The following CAB39 variants were observed in gnomAD, a reference collection of about 807,000 sequenced individuals.
CAB39 encodes the protein calcium-binding protein 39.
In CAB39, 8 loss-of-function variants were observed where a neutral mutation model predicts 40.0. The observed-to-expected ratio is 0.20, with a 90% CI of 0.12 to 0.36. The LOEUF (loss-of-function observed/expected upper bound fraction) is 0.36. Ranked by LOEUF, CAB39 falls within the 10% of genes least tolerant of loss-of-function variation. The pLI, the probability that CAB39 is intolerant of heterozygous loss-of-function variation, is 1.00. For synonymous variants in CAB39, 156 were observed against 141.6 expected (o/e 1.10, Z -0.72); for missense variants, 270 against 401.1 (o/e 0.67, Z 2.79).
intron 1 of CAB39, among the ~76,000 whole-genome samples, chr2:230,746,252 G>T (rs1172906682): frequency 1.3e-5 from 2 of 152,152 alleles, no homozygotes; most frequent in East Asian, 3.9e-4. Flanking sequence ...TGACTTTAAA[G>T]ATATACAGGA....
chr2:230,725,515 A>G, intron 1 of CAB39: 1 of 980,508 alleles, frequency 1.0e-6, no homozygotes, highest in African/African-American at 1.6e-5. Flanking sequence ...TTAATATCAA[A>G]TTTTGTCCTC....
At chr2:230,716,461 C>G (rs905464665) in intron 1 of CAB39, among the ~76,000 whole-genome samples, 2 of 152,118 alleles carry the variant, frequency 1.3e-5, no homozygotes, top group Non-Finnish European at 2.9e-5. Flanking sequence ...CTCCCCAACC[C>G]CCAAAAATAA....
intron 1 of CAB39, among the ~76,000 whole-genome samples, chr2:230,735,406 A>G (rs928557766): frequency 6.6e-6 from 1 of 151,740 alleles, no homozygotes; most frequent in Admixed American, 6.6e-5. Context: ...GCCTCAAGTG[A>G]TCCGTCCGCC....
chr2:230,793,942 G>T (rs913826417), intron 4 of CAB39, among the ~76,000 whole-genome samples: 2 of 152,124 alleles, frequency 1.3e-5, no homozygotes, highest in Non-Finnish European at 2.9e-5. Flanking sequence ...CCTGAAAACC[G>T]AACCATAGAA....
intron 2 of CAB39, among the ~76,000 whole-genome samples, chr2:230,773,981 C>G (rs2037288): frequency 2.6e-5 from 4 of 152,072 alleles, no homozygotes; most frequent in Admixed American, 2.6e-4. Flanking sequence ...GTTGACATAT[C>G]CTTACATCGA....
intron 2 of CAB39, among the ~76,000 whole-genome samples, chr2:230,767,908 T>A (rs1009800573): frequency 6.6e-6 from 1 of 152,190 alleles, no homozygotes; most frequent in African/African-American, 2.4e-5. Flanking sequence ...TTCAAGTCTT[T>A]GCTCAAGTGC....
chr2:230,807,407 T>TACCCCCCCA (rs1696216137), intron 5 of CAB39, among the ~76,000 whole-genome samples: 1 of 151,772 alleles, frequency 6.6e-6, no homozygotes, highest in Non-Finnish European at 1.5e-5. Flanking sequence ...ACTAGTGTTT[T>TACCCCCCCA]ACCCCCCCAA....
Position 230,757,815 on chromosome 2 carries a change from C to G in CAB39, c.-43-2144C>G, listed in dbSNP as rs547514029. ...AGAAGCAACTTGCATGCTTCCCCCCCACCCCCTGCCGCCCACTCCCCTGCC... is the reference window on the plus strand; with the variant it reads ...AGAAGCAACTTGCATGCTTCCCCCCGACCCCCTGCCGCCCACTCCCCTGCC... On this transcript the variant is annotated intron_variant, in intron 1 of 8. Transcript: ENST00000258418. Among the ~76,000 whole-genome samples the G allele has an allele frequency of 1.4e-4, 22 of 152,154 alleles. No individual in the cohort carries two copies. The South Asian group carries it at 2.1e-3, about 14-fold the overall frequency.
chr2:230,808,483 TTC>T (rs2124978293), intron 5 of CAB39, among the ~76,000 whole-genome samples: 1 of 152,320 alleles, frequency 6.6e-6, no homozygotes, highest in African/African-American at 2.4e-5. Context: ...AACATTCCCC[TTC>T]AGGTCCTCAT....
At chr2:230,776,302 A>G (rs961110581) in intron 2 of CAB39, among the ~76,000 whole-genome samples, 13 of 152,182 alleles carry the variant, frequency 8.5e-5, no homozygotes, top group African/African-American at 2.7e-4. Context: ...GAAGTTGCTG[A>G]AATGAGTACA....
At chr2:230,809,102 G>A (rs931206308) in intron 5 of CAB39, among the ~76,000 whole-genome samples, 14 of 152,344 alleles carry the variant, frequency 9.2e-5, no homozygotes, top group Non-Finnish European at 1.8e-4. Flanking sequence ...CGAACAGTAG[G>A]TAACCACGCA....
At chr2:230,774,808 C>G (rs1321092041) in intron 2 of CAB39, among the ~76,000 whole-genome samples, 1 of 151,906 alleles carries the variant, frequency 6.6e-6, no homozygotes, top group Non-Finnish European at 1.5e-5. Context: ...TATTAATAGA[C>G]TTTCCTTAGT....
rs1250595555 is a variant in CAB39 at position 230,726,267 on chromosome 2, A to G, written c.-44+13037A>G. On this transcript the variant is annotated intron_variant, in intron 1 of 8. Transcript: ENST00000258418. ...AACCTCTGCCTCCTGGATTCAAGCA[A>G]TTCTCGTGCCTTAGCCTCCTGAGTA... Among the ~76,000 whole-genome samples the G allele has an allele frequency of 2.0e-5, 3 of 151,918 alleles. No homozygotes were observed. In the East Asian group the frequency reaches 5.8e-4, roughly 29 times the overall value.
chr2:230,757,671 C>A (rs1364212247), intron 1 of CAB39, among the ~76,000 whole-genome samples: 1 of 152,158 alleles, frequency 6.6e-6, no homozygotes, highest in Admixed American at 6.6e-5. Flanking sequence ...CGTAACACTT[C>A]CTGCAAAATA....
At position 230,754,894 on chromosome 2, in the gene CAB39, G is replaced by C. The variant is rs535108830; in HGVS notation, c.-43-5065G>C. Among the ~76,000 whole-genome samples, 43 of 152,248 alleles carry C rather than the reference G, an allele frequency of 2.8e-4. 1 individual carries two copies. In the South Asian group the frequency reaches 3.5e-3, roughly 12 times the overall value. The stretch of plus-strand genomic sequence containing the variant: ...CATTGTATCATTCTTATGCCTTTGC[G>C]TCCTCAAAGCTTAGCTCCCACATGT... On this transcript the variant is annotated intron_variant, in intron 1 of 8. Transcript: ENST00000258418.
chr2:230,764,117 C>G (rs1016600688), intron 2 of CAB39, among the ~76,000 whole-genome samples: 4 of 151,046 alleles, frequency 2.6e-5, no homozygotes, highest in Non-Finnish European at 5.9e-5. Flanking sequence ...GTAAGACTGT[C>G]TCAAAAACAA....
At chr2:230,767,807 C>G (rs1019668665) in intron 2 of CAB39, among the ~76,000 whole-genome samples, 5 of 152,232 alleles carry the variant, frequency 3.3e-5, no homozygotes, top group African/African-American at 1.2e-4. Flanking sequence ...TCCAGTCATA[C>G]TCCTGCCTGT....
At chr2:230,730,237 T>G (rs898503126) in intron 1 of CAB39, among the ~76,000 whole-genome samples, 2 of 152,116 alleles carry the variant, frequency 1.3e-5, no homozygotes, top group Admixed American at 1.3e-4. Context: ...GCCTCTCGAG[T>G]AGCTGGGACT....
At chr2:230,719,840 G>A (rs1303937437) in intron 1 of CAB39, among the ~76,000 whole-genome samples, 2 of 152,072 alleles carry the variant, frequency 1.3e-5, no homozygotes, top group African/African-American at 4.8e-5. Flanking sequence ...TTTTTCTCCT[G>A]CACTGGTTCC....
Sources: gnomAD v4.1 joint callset for allele counts (sites outside exome capture counted in the v4.1 genomes callset) on GRCh38, gnomAD v4.1.1 for gene constraint, MANE v1.5 for transcripts, NCBI Gene and HGNC (gene_info 2026-07-23, HGNC 2026-07-21) for gene names.